The following CCDC149 variants were observed in gnomAD, a reference collection of about 807,000 sequenced individuals.
CCDC149 encodes coiled-coil domain-containing protein 149.
In CCDC149, 45 loss-of-function variants were observed where a neutral mutation model predicts 59.9. The observed-to-expected ratio is 0.75, with a 90% CI of 0.59 to 0.96. The LOEUF is 0.96. CCDC149 is among the 40% of genes least tolerant of loss of function. The probability of loss-of-function intolerance (pLI) is 0.00; values close to 1 mark genes in which losing one functional copy is unlikely to be tolerated. For missense variants in CCDC149, 584 were observed against 664.7 expected (o/e 0.88, Z 1.33); for synonymous variants, 245 against 260.6 (o/e 0.94, Z 0.58).
intron 1 of CCDC149, among the ~76,000 whole-genome samples, chr4:24,927,582 CCTT>C (rs1486318321): frequency 6.6e-6 from 1 of 152,192 alleles, no homozygotes; most frequent in Non-Finnish European, 1.5e-5. Flanking sequence ...GGTGCTGAAA[CCTT>C]CTCCTAGCCT....
intron 1 of CCDC149, among the ~76,000 whole-genome samples, chr4:24,960,598 G>A (rs951825548): frequency 6.6e-6 from 1 of 152,080 alleles, no homozygotes; most frequent in African/African-American, 2.4e-5. Context: ...TTTTAAAGGT[G>A]GAGTGACTAT....
chr4:24,912,921 C>A lies in CCDC149; in HGVS notation c.-42G>T. On this transcript the variant is annotated 5_prime_UTR_variant, in exon 1 of 13. Coordinates refer to ENST00000635206, the MANE Select transcript of CCDC149 (RefSeq NM_001330643.2). ...TGGACCCCCGCCGCCTCCTCCTCCT[C>A]GCGACGTCGCGTCGCCGCCGCCGCC... 2 of 1,188,596 alleles carry A rather than the reference C, an allele frequency of 1.7e-6. No homozygotes were observed. The highest frequency in any genetic ancestry group is 2.2e-6 in the Non-Finnish European group (2 of 924,498). The allele number at this position is 1,188,596 out of a possible 1,614,324, so 73.6% of individuals were successfully genotyped here. A position where few individuals can be genotyped will look rare whatever the true frequency, so the allele number is the denominator to read the frequency against.
chr4:24,931,310 A>AAAATATATATATATATATATATATATAT (rs1553862434), intron 1 of CCDC149, among the ~76,000 whole-genome samples: 2 of 138,266 alleles, frequency 1.4e-5, no homozygotes, highest in African/African-American at 5.7e-5. Flanking sequence ...TTTATTTTAA[A>AAAATATATATATATATATATATATATAT]ATATATATAT....
chr4:24,875,226 A>G (rs1037405489), intron 2 of CCDC149, among the ~76,000 whole-genome samples: 1 of 151,886 alleles, frequency 6.6e-6, no homozygotes, highest in African/African-American at 2.4e-5. Context: ...GCTACTCGGG[A>G]GGCTGAGGCA....
At chr4:24,972,227 AC>A (rs1723988707) in intron 1 of CCDC149, among the ~76,000 whole-genome samples, 1 of 151,976 alleles carries the variant, frequency 6.6e-6, no homozygotes, top group Admixed American at 6.6e-5. Flanking sequence ...ACACAGGAAA[AC>A]CCTGGCTATC....
At chr4:24,918,898 T>C (rs1163712997) in intron 1 of CCDC149, among the ~76,000 whole-genome samples, 2 of 152,228 alleles carry the variant, frequency 1.3e-5, no homozygotes, top group Admixed American at 6.5e-5. Context: ...ATTCATTACA[T>C]TGCTTTGTCC....
In CCDC149 at chr4:24,807,999, T is replaced by A. The variant is rs1000005494; in HGVS notation, c.*390A>T. On this transcript the variant is annotated 3_prime_UTR_variant, in exon 13 of 13. Transcript: ENST00000635206. ...GATGGGGACCTGATTAAAAACCCCA[T>A]CAGTTTCTAGCTCTTCCCATAATTT... The A allele has an allele frequency of 6.4e-6, 1 of 155,374 alleles. No individual in the cohort carries two copies. The highest frequency in any genetic ancestry group is 1.4e-5 in the Non-Finnish European group (1 of 70,400). The allele number at this position is 155,374 out of a possible 1,614,324, so 9.6% of individuals were successfully genotyped here. A position where few individuals can be genotyped will look rare whatever the true frequency, so the allele number is the denominator to read the frequency against.
chr4:24,870,942 G>A (rs1421625152), intron 3 of CCDC149, among the ~76,000 whole-genome samples: 2 of 151,364 alleles, frequency 1.3e-5, no homozygotes, highest in African/African-American at 4.9e-5. Context: ...CAACTCGGGG[G>A]GCTAAGGCAG....
At chr4:24,958,193 T>G (rs1006791149) in intron 1 of CCDC149, among the ~76,000 whole-genome samples, 3 of 152,226 alleles carry the variant, frequency 2.0e-5, no homozygotes, top group Non-Finnish European at 4.4e-5. Context: ...TTGCCAACAG[T>G]AGAGACGAAT....
chr4:24,928,160 T>C (rs1031878810), intron 1 of CCDC149, among the ~76,000 whole-genome samples: 8 of 152,226 alleles, frequency 5.3e-5, no homozygotes, highest in Non-Finnish European at 1.0e-4. Context: ...CAGTTCAAAT[T>C]TGATTTGCAG....
intron 3 of CCDC149, among the ~76,000 whole-genome samples, chr4:24,854,751 C>A (rs989465255): frequency 7.2e-5 from 11 of 152,170 alleles, no homozygotes; most frequent in African/African-American, 2.7e-4. Context: ...GTTGTCTTAC[C>A]TACTAGGTCT....
At chr4:24,902,927 A>G (rs932990446) in intron 1 of CCDC149, among the ~76,000 whole-genome samples, 1 of 135,850 alleles carries the variant, frequency 7.4e-6, no homozygotes, top group Non-Finnish European at 1.5e-5. Flanking sequence ...CAGGAGGCTG[A>G]GGCTGGAGAA....
chr4:24,818,708 C>T (rs1715173165), intron 12 of CCDC149, among the ~76,000 whole-genome samples: 1 of 152,208 alleles, frequency 6.6e-6, no homozygotes, highest in Non-Finnish European at 1.5e-5. Flanking sequence ...TGGATAGCTG[C>T]TTGAGCGTCC....
chr4:24,900,202 C>T (rs539570736), intron 1 of CCDC149, among the ~76,000 whole-genome samples: 1 of 152,350 alleles, frequency 6.6e-6, no homozygotes, highest in East Asian at 1.9e-4. Flanking sequence ...GAAGGCTTTG[C>T]ACATAGTAAT....
chr4:24,939,967 CTT>C (rs1480543276), intron 1 of CCDC149, among the ~76,000 whole-genome samples: 3 of 152,244 alleles, frequency 2.0e-5, no homozygotes, highest in Admixed American at 1.3e-4. Context: ...TTGGAAAACA[CTT>C]TGCAGGATAT....
chr4:24,928,632 C>T (rs1372544293), intron 1 of CCDC149, among the ~76,000 whole-genome samples: 1 of 152,196 alleles, frequency 6.6e-6, no homozygotes, highest in Admixed American at 6.5e-5. Context: ...TCACCTGGCC[C>T]TTTCCCACCT....
At chr4:24,832,796 C>G (rs1716244786) in intron 8 of CCDC149, among the ~76,000 whole-genome samples, 1 of 152,188 alleles carries the variant, frequency 6.6e-6, no homozygotes, top group Non-Finnish European at 1.5e-5. Flanking sequence ...ATTTCCTTAG[C>G]TTCTTTGGCA....
intron 1 of CCDC149, among the ~76,000 whole-genome samples, chr4:24,892,268 C>G (rs1720572860): frequency 6.6e-6 from 1 of 152,100 alleles, no homozygotes; most frequent in South Asian, 2.1e-4. Context: ...CTTGCTGAGC[C>G]TAAGATCTTT....
chr4:24,841,690 C>G (rs1045376270), intron 4 of CCDC149, among the ~76,000 whole-genome samples: 5 of 152,228 alleles, frequency 3.3e-5, no homozygotes, highest in African/African-American at 1.2e-4. Flanking sequence ...GGAGTTGGCC[C>G]ACCTAGGGCC....
Sources: allele counts gnomAD v4.1 joint callset (sites outside exome capture counted in the v4.1 genomes callset), GRCh38; gene constraint gnomAD v4.1.1; transcripts MANE v1.5; gene names NCBI Gene and HGNC (gene_info 2026-07-23, HGNC 2026-07-21).